The following ATXN7L1 variants were observed in gnomAD, a reference collection of about 807,000 sequenced individuals.
The protein encoded by ATXN7L1 is ataxin 7 like 1.
In ATXN7L1, 15 loss-of-function variants were observed where a neutral mutation model predicts 70.8. The ratio of observed to expected loss-of-function variants is 0.21; its 90% CI spans 0.14 to 0.33. ATXN7L1 has a LOEUF of 0.33. Ranked by LOEUF, ATXN7L1 falls within the 10% of genes least tolerant of loss-of-function variation. The pLI is 1.00. For synonymous variants in ATXN7L1, 440 were observed against 445.1 expected (o/e 0.99, Z 0.14); for missense variants, 975 against 1,097.1 (o/e 0.89, Z 1.57).
At chr7:105,641,775 G>A (rs1039430055) in intron 5 of ATXN7L1, among the ~76,000 whole-genome samples, 2 of 152,270 alleles carry the variant, frequency 1.3e-5, no homozygotes, top group Non-Finnish European at 2.9e-5. Flanking sequence ...GACAGTGGGT[G>A]AGCAGCGCAG....
At chr7:105,733,549 T>TCCATCCTTCCATCCATCCATCCAC (rs1796865132) in intron 3 of ATXN7L1, among the ~76,000 whole-genome samples, 1 of 122,160 alleles carries the variant, frequency 8.2e-6, no homozygotes. Flanking sequence ...CACCCATCCA[T>TCCATCCTTCCATCCATCCATCCAC]CCATCCACCC....
intron 3 of ATXN7L1, among the ~76,000 whole-genome samples, chr7:105,741,182 G>C (rs1376475768): frequency 6.6e-6 from 1 of 152,144 alleles, no homozygotes; most frequent in Non-Finnish European, 1.5e-5. Flanking sequence ...CTCAGCTCTA[G>C]ATGTGAATTC....
chr7:105,638,102 C>T (rs961967645), intron 7 of ATXN7L1, among the ~76,000 whole-genome samples: 6 of 152,106 alleles, frequency 3.9e-5, no homozygotes, highest in Non-Finnish European at 5.9e-5. Flanking sequence ...CCATGAAGTC[C>T]GCTGCTGCTG....
At chr7:105,682,342 C>T (rs11971669) in intron 3 of ATXN7L1, among the ~76,000 whole-genome samples, 8,515 of 152,184 alleles carry the variant, frequency 0.056, 272 homozygotes, top group South Asian at 0.079. Context: ...GTAAGTTTCA[C>T]GTTAAGCATA....
In ATXN7L1 at chr7:105,642,859, T is replaced by C; in HGVS notation, c.841A>G (p.Lys281Glu). The C allele has an allele frequency of 4.5e-6, 7 of 1,551,698 alleles. No individual in the cohort carries two copies. Among genetic ancestry groups the C allele is most frequent in the Non-Finnish European group, 6.1e-6 (7 of 1,146,966 alleles). ...ATACCTGAAAGTCTCCTGTAAGGCT[T>C]GTTGCTGTTTTTGGTGCCATTTTGG... is the stretch of plus-strand genomic sequence containing the variant. ...KHQNGTKNSN[K>E]PYRRLSEREF... Residue 281 changes from lysine (K) to glutamate (E), a missense_variant, in exon 5 of 12, where the codon AAG becomes GAG. Physicochemically the swap from Lys to Glu is moderately conservative, Grantham distance 56 (BLOSUM62 1). Around this residue, in one of 5 missense-constraint regions of ATXN7L1, gnomAD observed 192 missense variants for 215.5 expected, o/e 0.89. Coordinates refer to ENST00000419735, the MANE Select transcript of ATXN7L1 (RefSeq NM_020725.2).
chr7:105,652,157 G>A (rs1799945275), intron 4 of ATXN7L1, among the ~76,000 whole-genome samples: 1 of 152,178 alleles, frequency 6.6e-6, no homozygotes, highest in Non-Finnish European at 1.5e-5. Flanking sequence ...CCCTCATGCA[G>A]TAGGGCATAG....
chr7:105,790,472 T>G (rs1205372334), intron 2 of ATXN7L1, among the ~76,000 whole-genome samples: 1 of 152,014 alleles, frequency 6.6e-6, no homozygotes, highest in Non-Finnish European at 1.5e-5. Context: ...TCTCAGCTAC[T>G]CAGGGGGCTA....
intron 3 of ATXN7L1, among the ~76,000 whole-genome samples, chr7:105,725,712 C>G (rs1365544141): frequency 6.6e-6 from 1 of 151,838 alleles, no homozygotes; most frequent in Non-Finnish European, 1.5e-5. Context: ...TCTAGAGTAG[C>G]TGAGATTACA....
chr7:105,617,141 C>T (rs1794031866), intron 9 of ATXN7L1, among the ~76,000 whole-genome samples: 1 of 152,054 alleles, frequency 6.6e-6, no homozygotes, highest in Admixed American at 6.6e-5. Context: ...ATTCTGCTGC[C>T]TCAGCCTCCT....
intron 3 of ATXN7L1, among the ~76,000 whole-genome samples, chr7:105,754,654 C>T (rs953487574): frequency 2.6e-5 from 4 of 152,272 alleles, no homozygotes; most frequent in Non-Finnish European, 4.4e-5. Context: ...GAGACAGGAT[C>T]TCACTATGTT....
intron 3 of ATXN7L1, among the ~76,000 whole-genome samples, chr7:105,680,233 C>T (rs1386262959): frequency 2.6e-5 from 4 of 152,188 alleles, no homozygotes; most frequent in African/African-American, 9.7e-5. Context: ...GCAGAGCCTA[C>T]TAGGCATTAG....
intron 4 of ATXN7L1, among the ~76,000 whole-genome samples, chr7:105,653,379 T>C (rs1170274769): frequency 6.6e-6 from 1 of 152,078 alleles, no homozygotes; most frequent in Non-Finnish European, 1.5e-5. Flanking sequence ...ACCCAGGGGA[T>C]GGAGGCTACA....
At chr7:105,865,251 GGAAAA>G (rs1817230765) in intron 2 of ATXN7L1, among the ~76,000 whole-genome samples, 1 of 152,042 alleles carries the variant, frequency 6.6e-6, no homozygotes, top group Non-Finnish European at 1.5e-5. Context: ...TTCCTACTCT[GGAAAA>G]GAAAAGTAGA....
chr7:105,859,055 G>T (rs1816158534), intron 2 of ATXN7L1, among the ~76,000 whole-genome samples: 1 of 151,938 alleles, frequency 6.6e-6, no homozygotes, highest in Middle Eastern at 3.2e-3. Context: ...TTTTGGGGGT[G>T]GGGGCATGAC....
chr7:105,871,548 TA>T (rs1563160257), intron 2 of ATXN7L1, among the ~76,000 whole-genome samples: 1 of 151,994 alleles, frequency 6.6e-6, no homozygotes, highest in African/African-American at 2.4e-5. Flanking sequence ...CCATCTCTAC[TA>T]AATATACAAA....
At chr7:105,777,241 C>T (rs1319114843) in intron 3 of ATXN7L1, among the ~76,000 whole-genome samples, 1 of 152,192 alleles carries the variant, frequency 6.6e-6, no homozygotes, top group East Asian at 1.9e-4. Flanking sequence ...GCCCAGCATA[C>T]ATGCCAATAA....
intron 3 of ATXN7L1, among the ~76,000 whole-genome samples, chr7:105,745,678 C>T (rs150925523): frequency 6.3e-4 from 96 of 152,312 alleles, no homozygotes; most frequent in Non-Finnish European, 1.1e-3. Flanking sequence ...CAGGTGCAAC[C>T]GATCCCCTTG....
At chr7:105,632,284 A>T (rs1374317563) in intron 7 of ATXN7L1, among the ~76,000 whole-genome samples, 1 of 152,258 alleles carries the variant, frequency 6.6e-6, no homozygotes. Context: ...TTAGGATGTT[A>T]TTACCTCTGA....
intron 2 of ATXN7L1, among the ~76,000 whole-genome samples, chr7:105,792,904 C>T (rs969485108): frequency 6.6e-6 from 1 of 152,124 alleles, no homozygotes; most frequent in Non-Finnish European, 1.5e-5. Flanking sequence ...TAATATATAT[C>T]TCTCCAGATT....
Sources: gnomAD v4.1 joint callset for allele counts (sites outside exome capture counted in the v4.1 genomes callset) on GRCh38, gnomAD v4.1.1 for gene constraint, gnomAD v4.1.1 regional missense constraint, MANE v1.5 for transcripts, NCBI Gene and HGNC (gene_info 2026-07-23, HGNC 2026-07-21) for gene names.